PHC2: variants seen among roughly 807,000 people sequenced by gnomAD.
The protein encoded by PHC2 is polyhomeotic homolog 2, also known as polyhomeotic-like protein 2.
PHC2 carries 29 observed loss-of-function variants against 87.4 expected under a neutral mutation model. The observed-to-expected ratio is 0.33, with a 90% CI of 0.25 to 0.45. The LOEUF is 0.45. Ranked by LOEUF, PHC2 falls within the 20% of genes least tolerant of loss-of-function variation. The pLI is 1.00. For missense variants in PHC2, 857 were observed against 1,136.7 expected (o/e 0.75, Z 3.54); for synonymous variants, 438 against 461.7 (o/e 0.95, Z 0.66).
At chr1:33,326,048 G>T in intron 14 of PHC2, 1 of 350,822 alleles carries the variant, frequency 2.9e-6, no homozygotes, top group Admixed American at 3.6e-5. Context: ...TAAAAATGTG[G>T]TTGGTAGCAG....
In PHC2 at chr1:33,323,642, A is replaced by G. The variant is rs1015690449; in HGVS notation, c.*1223T>C. 1 of 152,644 alleles carries G rather than the reference A, an allele frequency of 6.6e-6. No homozygotes were observed. Among genetic ancestry groups the G allele is most frequent in the Non-Finnish European group, 1.5e-5 (1 of 68,044 alleles). 9.5% of individuals were successfully genotyped at this position (152,644 alleles called of 1,614,324 possible). On this transcript the variant is annotated 3_prime_UTR_variant, in exon 15 of 15. Transcript: ENST00000683057. ...CCAAAGAGACAGATTTTACAGATTT[A>G]TTTTTAAAAAACAAAACAAAGGTTA...
intron 9 of PHC2, among the ~76,000 whole-genome samples, chr1:33,348,890 C>T (rs1646898739): frequency 6.6e-6 from 1 of 152,200 alleles, no homozygotes; most frequent in South Asian, 2.1e-4. Context: ...AGGGCACTGA[C>T]TGGTATCCGA....
In PHC2 at chr1:33,331,811, C is replaced by T. The variant is rs1317379096; in HGVS notation, c.1892-349G>A. The T allele has an allele frequency of 3.4e-6, 1 of 294,500 alleles. No individual in the cohort carries two copies. The highest frequency in any genetic ancestry group is 7.5e-5 in the East Asian group (1 of 13,264). 18.2% of individuals were successfully genotyped at this position (294,500 alleles called of 1,614,324 possible). On this transcript the variant is annotated intron_variant, in intron 11 of 14. Coordinates refer to ENST00000683057, the MANE Select transcript of PHC2 (RefSeq NM_001385109.1). The surrounding 1 kb of genome is among the most constrained non-coding windows in gnomAD (Gnocchi z 5.2). ...CACAGCTGCTCCGCTGGCATCATCA[C>T]ACCTTGATCTATGCAGCTGGCTGCT...
chr1:33,364,699 G>C lies in PHC2; in HGVS notation c.976+2417C>G, dbSNP rs902283146. Among the ~76,000 whole-genome samples the C allele has an allele frequency of 6.6e-6, 1 of 152,178 alleles. No homozygotes were observed. The highest frequency in any genetic ancestry group is 6.5e-5 in the Admixed American group (1 of 15,280). ...ATCTCTGGGCTTACAGAGAGGAAGG[G>C]GTGGGAGAGAGGAAGAATGAACAGG... On this transcript the variant is annotated intron_variant, in intron 7 of 14. Coordinates refer to ENST00000683057, the MANE Select transcript of PHC2 (RefSeq NM_001385109.1). The surrounding 1 kb of genome is among the most constrained non-coding windows in gnomAD (Gnocchi z 4.1).
In PHC2 at chr1:33,349,808, G is replaced by C; in HGVS notation, c.1558+4593C>G. On this transcript the variant is annotated intron_variant, in intron 9 of 14. Coordinates refer to ENST00000683057, the MANE Select transcript of PHC2 (RefSeq NM_001385109.1). The surrounding 1 kb of genome is among the most constrained non-coding windows in gnomAD (Gnocchi z 4.2). The stretch of plus-strand genomic sequence containing the variant: ...CGGGGCGCGAGGCCGGGACGGGGGC[G>C]CGAGGCCGGGGCGGGAGCGCGGGCG... 1 of 977,218 alleles carries C rather than the reference G, an allele frequency of 1.0e-6. No homozygotes were observed. The highest frequency in any genetic ancestry group is 1.2e-6 in the Non-Finnish European group (1 of 825,260). The allele number at this position is 977,218 out of a possible 1,614,324, so 60.5% of individuals were successfully genotyped here. A position where few individuals can be genotyped will look rare whatever the true frequency, so the allele number is the denominator to read the frequency against.
chr1:33,391,722 G>C (rs1649061633), intron 1 of PHC2, among the ~76,000 whole-genome samples: 1 of 152,032 alleles, frequency 6.6e-6, no homozygotes, highest in Admixed American at 6.6e-5. Flanking sequence ...TTCAGATGTG[G>C]AGCTCAGAGA....
rs528954992 is a variant in PHC2 at position 33,388,301 on chromosome 1, CAG to C, written c.-54-12710_-54-12709del. Among the ~76,000 whole-genome samples, 5 of 148,692 alleles carry C rather than the reference CAG, an allele frequency of 3.4e-5. No homozygotes were observed. The South Asian group carries it at 1.1e-3, about 32-fold the overall frequency. On this transcript the variant is annotated intron_variant, in intron 1 of 14. Transcript: ENST00000683057. Reference sequence around the variant, plus strand: ...GGCCTTTGTTTCCTCATCTGGGAAACAGTGCTAATGACAGCAATTTTTTTTTT... The same window carrying C: ...GGCCTTTGTTTCCTCATCTGGGAAACTGCTAATGACAGCAATTTTTTTTTT...
chr1:33,397,820 T>A (rs1199374381), intron 1 of PHC2, among the ~76,000 whole-genome samples: 3 of 152,198 alleles, frequency 2.0e-5, no homozygotes, highest in African/African-American at 7.2e-5. Flanking sequence ...ATACCCTTGA[T>A]GACCTCTGCA....
intron 9 of PHC2, among the ~76,000 whole-genome samples, chr1:33,335,588 A>G (rs1482096658): frequency 6.6e-6 from 1 of 152,262 alleles, no homozygotes; most frequent in Non-Finnish European, 1.5e-5. Flanking sequence ...TGGAAAAGTC[A>G]AAACAGACAC....
At chr1:33,358,529 G>T (rs991591861) in intron 7 of PHC2, among the ~76,000 whole-genome samples, 11 of 152,122 alleles carry the variant, frequency 7.2e-5, no homozygotes, top group South Asian at 2.1e-4. Flanking sequence ...AAATCCTTTT[G>T]TTTCGAGTAC....
At chr1:33,422,097 T>A (rs1477384305) in intron 1 of PHC2, among the ~76,000 whole-genome samples, 2 of 152,184 alleles carry the variant, frequency 1.3e-5, no homozygotes, top group Non-Finnish European at 2.9e-5. Context: ...CCCCCATATG[T>A]GTTCTCTCAA....
chr1:33,398,606 A>G (rs1048937160), intron 1 of PHC2, among the ~76,000 whole-genome samples: 3 of 152,370 alleles, frequency 2.0e-5, no homozygotes, highest in Middle Eastern at 3.4e-3. Flanking sequence ...AGCACAAAAC[A>G]TAAGGGAAAA....
At position 33,368,871 on chromosome 1, in the gene PHC2, G is replaced by C. The variant is rs553480114; in HGVS notation, c.577-249C>G. On this transcript the variant is annotated intron_variant, in intron 5 of 14. Coordinates refer to ENST00000683057, the MANE Select transcript of PHC2 (RefSeq NM_001385109.1). This position sits in a 1 kb window ranked among gnomAD's most constrained non-coding sequence, Gnocchi z 6.6. ...CTCGTTGCATCCTGACCCAGGCTGG[G>C]TGCAGGGGTGGGTGGGGAGAGCCGC... Among the ~76,000 whole-genome samples the C allele has an allele frequency of 1.3e-5, 2 of 152,232 alleles. No individual in the cohort carries two copies. Among genetic ancestry groups the C allele is most frequent in the South Asian group, 2.1e-4 (1 of 4,826 alleles).
Position 33,349,862 on chromosome 1 carries a change from C to T in PHC2, c.1558+4539G>A, listed in dbSNP as rs1646930430. The T allele has an allele frequency of 4.1e-6, 4 of 975,524 alleles. No individual in the cohort carries two copies. In the South Asian group the frequency reaches 1.4e-4, roughly 34 times the overall value. The allele number at this position is 975,524 out of a possible 1,614,324, so 60.4% of individuals were successfully genotyped here. On this transcript the variant is annotated intron_variant, in intron 9 of 14. Transcript: ENST00000683057. The surrounding 1 kb of genome is among the most constrained non-coding windows in gnomAD (Gnocchi z 4.2). ...GCCGGGGTTGCGCGCGCGCGCGCGG[C>T]GGGCGCTCGAGGGCTGCAGCCGCCG...
intron 1 of PHC2, among the ~76,000 whole-genome samples, chr1:33,413,017 A>G (rs1650046891): frequency 6.6e-6 from 1 of 151,844 alleles, no homozygotes; most frequent in South Asian, 2.1e-4. Flanking sequence ...CCCAGGCTGG[A>G]GTGCAGTGGC....
At chr1:33,347,229 G>A in intron 9 of PHC2, 1 of 985,424 alleles carries the variant, frequency 1.0e-6, no homozygotes, top group African/African-American at 1.7e-5. Context: ...AGACTAGAAA[G>A]TCAATGACAG....
chr1:33,393,482 T>TTC lies in PHC2; in HGVS notation c.-54-17890_-54-17889insGA, dbSNP rs1553188922. Among the ~76,000 whole-genome samples, 3 of 150,312 alleles carry TTC rather than the reference T, an allele frequency of 2.0e-5. No individual in the cohort carries two copies. The South Asian group carries it at 6.4e-4, about 32-fold the overall frequency. ...CAAGAGGTTTTTTTTTTTTTTTTTTTCTTCCAACAAGTACTGAGCATTTGA... is the reference window on the plus strand; with the variant it reads ...CAAGAGGTTTTTTTTTTTTTTTTTTTTCCTTCCAACAAGTACTGAGCATTTGA... On this transcript the variant is annotated intron_variant, in intron 1 of 14. Coordinates refer to ENST00000683057, the MANE Select transcript of PHC2 (RefSeq NM_001385109.1).
rs193092209 is a variant in PHC2, at chr1:33,369,953, C to T, written c.576+468G>A. 3.3e-3 allele frequency among the ~76,000 whole-genome samples: 505 copies of T among 152,170 alleles called. 1 individual carries two copies. Among genetic ancestry groups the T allele is most frequent in the African/African-American group, 0.011 (475 of 41,536 alleles). ...ACCTGACCCTGATTAGAATGGGGGC[C>T]GCTGGGAGGGCAATGGAGGCACGCT... On this transcript the variant is annotated intron_variant, in intron 5 of 14. Transcript: ENST00000683057. The surrounding 1 kb of genome is among the most constrained non-coding windows in gnomAD (Gnocchi z 4.7).
At chr1:33,419,281 C>T (rs1477651552) in intron 1 of PHC2, among the ~76,000 whole-genome samples, 1 of 152,196 alleles carries the variant, frequency 6.6e-6, no homozygotes, top group East Asian at 1.9e-4. Flanking sequence ...TGACTACCCT[C>T]ATTGTTTAGT....
Sources: gnomAD v4.1 joint callset for allele counts (sites outside exome capture counted in the v4.1 genomes callset) on GRCh38, gnomAD v4.1.1 for gene constraint, Gnocchi (gnomAD v3.1) non-coding constraint, MANE v1.5 for transcripts, NCBI Gene and HGNC (gene_info 2026-07-23, HGNC 2026-07-21) for gene names.